Variants in TMC1 observed in about 807,000 individuals in gnomAD.
The protein encoded by TMC1 is transmembrane channel like 1.
In TMC1, 84 loss-of-function variants were observed where a neutral mutation model predicts 105.8. That is an observed-to-expected ratio of 0.79 (90% CI 0.67 to 0.95). TMC1 has a LOEUF of 0.95. Among genes scored for constraint, TMC1 ranks in the 40% least tolerant of loss-of-function variants. The pLI is 0.00. For synonymous variants in TMC1, 315 were observed against 311.5 expected (o/e 1.01, Z -0.12); for missense variants, 817 against 914.1 (o/e 0.89, Z 1.37).
intron 6 of TMC1, among the ~76,000 whole-genome samples, chr9:72,691,924 C>A (rs1028009013): frequency 2.6e-5 from 4 of 152,176 alleles, no homozygotes; most frequent in Non-Finnish European, 5.9e-5. Flanking sequence ...CCTTTGTTCT[C>A]CATGGCCCTG....
chr9:72,584,784 C>CTTTTTTTTTTTTTTTTT lies in TMC1; in HGVS notation c.-306+6763_-306+6779dup, dbSNP rs71357591. ...GTAGTTCTCCTTTTTCTTTTCTTTTCTTTTTTTTTTTTTTTTTTGAGACAG... is the reference window on the plus strand; with the variant it reads ...GTAGTTCTCCTTTTTCTTTTCTTTTCTTTTTTTTTTTTTTTTTTTTTTTTTTTTTTTTTTTGAGACAG... On this transcript the variant is annotated intron_variant, in intron 2 of 23. Coordinates refer to ENST00000297784, the MANE Select transcript of TMC1 (RefSeq NM_138691.3). Among the ~76,000 whole-genome samples the CTTTTTTTTTTTTTTTTT allele has an allele frequency of 1.7e-3, 191 of 112,980 alleles. 3 individuals carry two copies. The highest frequency in any genetic ancestry group is 2.5e-3 in the African/African-American group (71 of 28,404). The allele number at this position is 112,980 out of a possible 152,430, so 74.1% of individuals were successfully genotyped here.
chr9:72,769,651 A>G (rs1036269622), intron 12 of TMC1, among the ~76,000 whole-genome samples: 3 of 152,244 alleles, frequency 2.0e-5, no homozygotes, highest in Non-Finnish European at 4.4e-5. Context: ...TTACCCTAGT[A>G]GCAGCAACTT....
At chr9:72,660,815 G>A (rs892853776) in intron 5 of TMC1, among the ~76,000 whole-genome samples, 14 of 152,152 alleles carry the variant, frequency 9.2e-5, no homozygotes, top group African/African-American at 3.4e-4. Context: ...CCAGGTTCCA[G>A]TACTCTCAAG....
At chr9:72,592,173 A>T (rs1306975154) in intron 2 of TMC1, among the ~76,000 whole-genome samples, 2 of 152,190 alleles carry the variant, frequency 1.3e-5, no homozygotes, top group African/African-American at 4.8e-5. Context: ...TCACAACTAA[A>T]TGACGAGTTT....
At chr9:72,565,858 C>T (rs6560290) in intron 1 of TMC1, among the ~76,000 whole-genome samples, 87,475 of 151,928 alleles carry the variant, frequency 0.58, 26,942 homozygotes, top group African/African-American at 0.81. Context: ...AAAAACTTAT[C>T]CCCATGATTC....
chr9:72,672,375 A>T (rs1826137401), intron 5 of TMC1, among the ~76,000 whole-genome samples: 1 of 152,090 alleles, frequency 6.6e-6, no homozygotes, highest in Non-Finnish European at 1.5e-5. Flanking sequence ...AATTAAATTA[A>T]TTCAATCTGC....
intron 8 of TMC1, among the ~76,000 whole-genome samples, chr9:72,716,964 G>T (rs1826931766): frequency 6.6e-6 from 1 of 152,168 alleles, no homozygotes; most frequent in Admixed American, 6.5e-5. Context: ...GCAGTATCTG[G>T]GCCGGTGTAT....
In TMC1 at chr9:72,826,903, A is replaced by G. The variant is rs768503451; in HGVS notation, c.2038A>G (p.Thr680Ala). ...KNRMFEVIGE[T>A]LEHDFPSWMA... The stretch of plus-strand genomic sequence containing the variant: ...TAGAATGTTTGAAGTCATTGGAGAG[A>G]CCCTGGAGCACGATTTCCCAAGCTG... Residue 680 changes from threonine to alanine, a missense_variant, in exon 21 of 24, where the codon ACC (threonine) becomes GCC (alanine). By Grantham distance (58) the Thr-to-Ala change is moderately conservative. Transcript: ENST00000297784. 9 of 1,614,016 alleles carry G rather than the reference A, an allele frequency of 5.6e-6. No individual in the cohort carries two copies. In the East Asian group the frequency reaches 1.8e-4, roughly 32 times the overall value.
intron 12 of TMC1, among the ~76,000 whole-genome samples, chr9:72,769,670 TCTC>T (rs1827894142): frequency 6.6e-6 from 1 of 152,212 alleles, no homozygotes; most frequent in Non-Finnish European, 1.5e-5. Context: ...TTCATAGTGT[TCTC>T]CTGAGGATTC....
intron 7 of TMC1, among the ~76,000 whole-genome samples, chr9:72,700,119 G>T (rs1205525187): frequency 6.6e-6 from 1 of 151,426 alleles, no homozygotes; most frequent in African/African-American, 2.4e-5. Flanking sequence ...GCTGGGCTAG[G>T]TGGTGGGCGC....
intron 12 of TMC1, among the ~76,000 whole-genome samples, chr9:72,769,886 CA>C (rs1827897619): frequency 6.6e-6 from 1 of 152,082 alleles, no homozygotes; most frequent in Admixed American, 6.5e-5. Context: ...TTAAACCAAA[CA>C]AGAGATTAAG....
At chr9:72,553,351 A>G (rs1052196524) in intron 1 of TMC1, among the ~76,000 whole-genome samples, 2 of 152,052 alleles carry the variant, frequency 1.3e-5, no homozygotes, top group African/African-American at 4.8e-5. Context: ...CCATGTTGTT[A>G]TTATTATTAT....
chr9:72,780,758 C>G (rs1435520587), intron 13 of TMC1, among the ~76,000 whole-genome samples: 1 of 152,142 alleles, frequency 6.6e-6, no homozygotes, highest in Non-Finnish European at 1.5e-5. Flanking sequence ...TTCAATTCAG[C>G]AAGAAGACTT....
At chr9:72,525,379 G>A (rs999729486) in intron 1 of TMC1, among the ~76,000 whole-genome samples, 3 of 152,192 alleles carry the variant, frequency 2.0e-5, no homozygotes, top group Non-Finnish European at 2.9e-5. Flanking sequence ...GCTAAAAAGT[G>A]AACCAGATAC....
chr9:72,789,373 G>C, intron 15 of TMC1, 56 bp downstream of exon 15: 2 of 1,567,046 alleles, frequency 1.3e-6, no homozygotes, highest in Non-Finnish European at 1.8e-6. Context: ...TTCTTTTGTG[G>C]GTTATGTTTC....
intron 8 of TMC1, 68 bp from the exon 9 acceptor site, chr9:72,740,051 A>G: frequency 8.2e-7 from 1 of 1,226,138 alleles, no homozygotes; most frequent in East Asian, 2.4e-5. Flanking sequence ...TCAAATGTCC[A>G]CTACTTCTGT....
chr9:72,769,532 C>T (rs971578196), intron 12 of TMC1, among the ~76,000 whole-genome samples: 1 of 152,172 alleles, frequency 6.6e-6, no homozygotes, highest in Non-Finnish European at 1.5e-5. Flanking sequence ...GCTCTACTGT[C>T]AAATCAGTCA....
chr9:72,757,649 T>C (rs769431227), intron 12 of TMC1, among the ~76,000 whole-genome samples: 9 of 152,262 alleles, frequency 5.9e-5, no homozygotes, highest in Non-Finnish European at 1.2e-4. Flanking sequence ...TAAGTAGCCT[T>C]GTTCATGAAA....
intron 9 of TMC1, 138 bp downstream of exon 9, chr9:72,740,347 T>TA: frequency 4.5e-6 from 3 of 661,562 alleles, no homozygotes; most frequent in Non-Finnish European, 7.7e-6. Context: ...ACACAGTATA[T>TA]CTGTGGTATT....
Sources: allele counts gnomAD v4.1 joint callset (sites outside exome capture counted in the v4.1 genomes callset), GRCh38; gene constraint gnomAD v4.1.1; transcripts MANE v1.5; gene names NCBI Gene and HGNC (gene_info 2026-07-23, HGNC 2026-07-21).